NFAT5: variants seen among roughly 807,000 people sequenced by gnomAD.
NFAT5 encodes nuclear factor of activated T-cells 5.
In NFAT5, 31 loss-of-function variants were observed where a neutral mutation model predicts 166.5. The observed-to-expected ratio is 0.19, with a 90% CI of 0.14 to 0.25. The LOEUF is 0.25. Ranked by LOEUF, NFAT5 falls within the 10% of genes least tolerant of loss-of-function variation. NFAT5 has a pLI of 1.00. For synonymous variants in NFAT5, 612 were observed against 639.7 expected (o/e 0.96, Z 0.65); for missense variants, 1,449 against 1,821.8 (o/e 0.80, Z 3.72).
chr16:69,668,687 A>AT (rs1044451401), intron 7 of NFAT5, among the ~76,000 whole-genome samples: 120 of 150,458 alleles, frequency 8.0e-4, no homozygotes, highest in African/African-American at 2.6e-3. Flanking sequence ...TTTTATTTTT[A>AT]TTTTTTTTTG....
intron 2 of NFAT5, among the ~76,000 whole-genome samples, chr16:69,618,974 G>A (rs2034079737): frequency 1.3e-5 from 2 of 152,082 alleles, no homozygotes; most frequent in South Asian, 2.1e-4. Flanking sequence ...ACTTGACAAC[G>A]AAACAGAAAC....
At chr16:69,572,998 A>G (rs2016529386) in intron 2 of NFAT5, among the ~76,000 whole-genome samples, 1 of 152,110 alleles carries the variant, frequency 6.6e-6, no homozygotes, top group African/African-American at 2.4e-5. Context: ...GCGTGCCACC[A>G]CACCCAGCTA....
intron 10 of NFAT5, among the ~76,000 whole-genome samples, chr16:69,683,309 A>G (rs973679252): frequency 1.1e-4 from 17 of 152,138 alleles, no homozygotes; most frequent in African/African-American, 3.6e-4. Context: ...AGGTGGGCAG[A>G]TTGCTTGTGC....
chr16:69,603,858 A>G (rs1270777677), intron 2 of NFAT5, among the ~76,000 whole-genome samples: 1 of 152,194 alleles, frequency 6.6e-6, no homozygotes, highest in African/African-American at 2.4e-5. Flanking sequence ...AAAACTTGAG[A>G]TTTGAACAAT....
chr16:69,584,745 C>T (rs2031933684), intron 2 of NFAT5, among the ~76,000 whole-genome samples: 1 of 152,004 alleles, frequency 6.6e-6, no homozygotes, highest in Non-Finnish European at 1.5e-5. Flanking sequence ...TATGATTGTA[C>T]CACTGCACTC....
At chr16:69,646,364 G>T (rs1316323120) in intron 3 of NFAT5, among the ~76,000 whole-genome samples, 17 of 152,062 alleles carry the variant, frequency 1.1e-4, no homozygotes, top group Admixed American at 1.0e-3. Flanking sequence ...GATTCTCCTA[G>T]ATTTTACAAC....
chr16:69,594,824 G>A (rs2032695976), intron 2 of NFAT5, among the ~76,000 whole-genome samples: 1 of 152,138 alleles, frequency 6.6e-6, no homozygotes, highest in African/African-American at 2.4e-5. Flanking sequence ...ACAATCACAA[G>A]GTGAGGTCCC....
intron 2 of NFAT5, among the ~76,000 whole-genome samples, chr16:69,574,749 A>G (rs894796495): frequency 1.3e-5 from 2 of 151,764 alleles, no homozygotes; most frequent in East Asian, 1.9e-4. Flanking sequence ...GCTTATTGCA[A>G]CCTCTGTCAC....
intron 2 of NFAT5, among the ~76,000 whole-genome samples, chr16:69,606,189 C>G (rs913582942): frequency 6.6e-6 from 1 of 152,178 alleles, no homozygotes; most frequent in African/African-American, 2.4e-5. Flanking sequence ...TAACCTCTTG[C>G]AAGGTTTCTT....
intron 12 of NFAT5, 145 bp from the exon 13 acceptor site, chr16:69,691,604 C>T: frequency 1.6e-6 from 1 of 632,484 alleles, no homozygotes; most frequent in Non-Finnish European, 2.7e-6. Flanking sequence ...GAATTGTAGT[C>T]CTGTACCTGT....
chr16:69,618,319 G>C (rs996271372), intron 2 of NFAT5, among the ~76,000 whole-genome samples: 2 of 152,168 alleles, frequency 1.3e-5, no homozygotes, highest in African/African-American at 4.8e-5. Flanking sequence ...CTATGAATAA[G>C]TAAATATGTG....
intron 2 of NFAT5, among the ~76,000 whole-genome samples, chr16:69,574,641 A>G (rs1421746595): frequency 3.3e-5 from 5 of 151,904 alleles, no homozygotes; most frequent in Non-Finnish European, 7.4e-5. Context: ...TGTTCTTAAT[A>G]GCTTTTGAAA....
chr16:69,633,932 C>T (rs1455657441), intron 3 of NFAT5, among the ~76,000 whole-genome samples: 1 of 151,924 alleles, frequency 6.6e-6, no homozygotes, highest in African/African-American at 2.4e-5. Context: ...ACATTATCTA[C>T]CCCATGAATA....
At chr16:69,662,450 C>CTTTTTTT (rs539200298) in intron 7 of NFAT5, among the ~76,000 whole-genome samples, 55 of 97,014 alleles carry the variant, frequency 5.7e-4, no homozygotes, top group South Asian at 7.2e-4. Flanking sequence ...ACACCTCTTT[C>CTTTTTTT]TTTTTTTTTT....
intron 2 of NFAT5, among the ~76,000 whole-genome samples, chr16:69,576,446 CTA>C (rs1191668595): frequency 1.3e-5 from 2 of 152,042 alleles, no homozygotes; most frequent in Non-Finnish European, 2.9e-5. Flanking sequence ...ATTTTATAAA[CTA>C]CATACAAAAA....
intron 12 of NFAT5, 151 bp from the exon 13 acceptor site, chr16:69,691,598 T>C (rs1451674179): frequency 1.6e-6 from 1 of 609,958 alleles, no homozygotes; most frequent in Non-Finnish European, 2.8e-6. Flanking sequence ...TATGGAGAAT[T>C]GTAGTCCTGT....
chr16:69,698,498 G>C lies in NFAT5; in HGVS notation c.*2147G>C, dbSNP rs1394023523. On this transcript the variant is annotated 3_prime_UTR_variant, in exon 15 of 15. Transcript: ENST00000349945. ...CGTGGCGTCTGATAACAGTGAGGGG[G>C]GGTGGGGTTTGTTATGTCTTTATTG... 6.6e-6 allele frequency: 1 copy of C among 151,674 alleles called. No homozygotes were observed. The highest frequency in any genetic ancestry group is 1.5e-5 in the Non-Finnish European group (1 of 67,866). The allele number at this position is 151,674 out of a possible 1,614,324, so 9.4% of individuals were successfully genotyped here.
intron 2 of NFAT5, among the ~76,000 whole-genome samples, chr16:69,591,017 C>A (rs959527097): frequency 1.3e-5 from 2 of 152,106 alleles, no homozygotes; most frequent in Admixed American, 1.3e-4. Flanking sequence ...CTGCAACCTT[C>A]GTCTCCTGGG....
chr16:69,693,922 A>G lies in NFAT5; in HGVS notation c.4097A>G (p.Gln1366Arg). 1.2e-6 allele frequency: 2 copies of G among 1,614,234 alleles called. No individual in the cohort carries two copies. Among genetic ancestry groups the G allele is most frequent in the Non-Finnish European group, 1.7e-6 (2 of 1,180,036 alleles). ...NPGPTQSESS[Q>R]TPLFHSSPQI... is the part of the protein sequence containing the mutation. ...GGTCCTACCCAGTCGGAATCATCAC[A>G]GACCCCCTTGTTCCATAGCTCTCCT... The change falls in exon 13 of 15, where the codon CAG (glutamine) becomes CGG (arginine). Residue 1366 changes from glutamine to arginine, a missense_variant. This residue lies in a region of NFAT5 where 891 missense variants were observed against 993.0 expected (regional missense o/e 0.90). Transcript: ENST00000349945.
Sources: allele counts gnomAD v4.1 joint callset (sites outside exome capture counted in the v4.1 genomes callset), GRCh38; gene constraint gnomAD v4.1.1; regional missense constraint gnomAD v4.1.1; transcripts MANE v1.5; gene names NCBI Gene and HGNC (gene_info 2026-07-23, HGNC 2026-07-21).